Variants in SHISA6 observed in about 807,000 individuals in gnomAD.
SHISA6 encodes the protein shisa family member 6, also known as protein shisa-6.
SHISA6 carries 22 observed loss-of-function variants against 47.9 expected under a neutral mutation model. The ratio of observed to expected loss-of-function variants is 0.46; its 90% CI spans 0.33 to 0.66. SHISA6 has a LOEUF of 0.66. SHISA6 is among the 30% of genes least tolerant of loss of function. SHISA6 has a pLI of 0.02. For missense variants in SHISA6, 680 were observed against 764.6 expected, an observed-to-expected ratio of 0.89 and a Z score of 1.30; for synonymous variants, 388 against 337.8, an observed-to-expected ratio of 1.15 and a Z score of -1.63.
chr17:11,344,352 C>G (rs1422522153), intron 2 of SHISA6, among the ~76,000 whole-genome samples: 1 of 151,970 alleles, frequency 6.6e-6, no homozygotes, highest in Non-Finnish European at 1.5e-5. Flanking sequence ...TGTATTTTTT[C>G]TTTTGTTACT....
At position 11,331,332 on chromosome 17, in the gene SHISA6, C is replaced by G. The variant is rs570801206; in HGVS notation, c.800-48082C>G. ...ACAAACAGCATTTCTCACCTGCTTC[C>G]TCTCAGTGGGAACGTTTGCTAAATG... On this transcript the variant is annotated intron_variant, in intron 2 of 5. Coordinates refer to ENST00000441885, the MANE Select transcript of SHISA6 (RefSeq NM_207386.4). Among the ~76,000 whole-genome samples, 6 of 152,306 alleles carry G rather than the reference C, an allele frequency of 3.9e-5. No individual in the cohort carries two copies. The South Asian group carries it at 1.2e-3, about 32-fold the overall frequency.
At chr17:11,328,063 G>T (rs774137000) in intron 2 of SHISA6, among the ~76,000 whole-genome samples, 5 of 151,846 alleles carry the variant, frequency 3.3e-5, no homozygotes, top group African/African-American at 7.3e-5. Flanking sequence ...TATTTCTTCG[G>T]CAATTACTAG....
intron 1 of SHISA6, among the ~76,000 whole-genome samples, chr17:11,252,827 G>A (rs911150924): frequency 3.9e-5 from 6 of 152,236 alleles, no homozygotes; most frequent in Non-Finnish European, 8.8e-5. Flanking sequence ...ACTTGGGGAA[G>A]AATCTGGATT....
At chr17:11,407,932 A>G (rs1914011050) in intron 3 of SHISA6, among the ~76,000 whole-genome samples, 1 of 152,130 alleles carries the variant, frequency 6.6e-6, no homozygotes, top group Non-Finnish European at 1.5e-5. Context: ...AGGTGGCTTC[A>G]TTGGTGACCT....
chr17:11,359,399 A>G (rs997485836), intron 2 of SHISA6, among the ~76,000 whole-genome samples: 1 of 152,230 alleles, frequency 6.6e-6, no homozygotes, highest in Non-Finnish European at 1.5e-5. Context: ...AGCTTCTTCA[A>G]CAATACATCT....
intron 2 of SHISA6, among the ~76,000 whole-genome samples, chr17:11,320,517 G>C (rs1005541619): frequency 6.6e-6 from 1 of 152,146 alleles, no homozygotes; most frequent in Non-Finnish European, 1.5e-5. Context: ...AATTAGCTGG[G>C]TGTGGTGGTG....
At chr17:11,548,051 G>A (rs1231721448) in intron 3 of SHISA6, among the ~76,000 whole-genome samples, 3 of 152,188 alleles carry the variant, frequency 2.0e-5, no homozygotes, top group Non-Finnish European at 2.9e-5. Context: ...TGGGCCTAGC[G>A]CCAGCCTGCC....
chr17:11,416,655 G>A (rs1914291605), intron 3 of SHISA6, among the ~76,000 whole-genome samples: 1 of 152,006 alleles, frequency 6.6e-6, no homozygotes, highest in African/African-American at 2.4e-5. Context: ...TTTATGCGTT[G>A]GCTTTTAAAC....
At chr17:11,316,442 A>C (rs1211211143) in intron 2 of SHISA6, among the ~76,000 whole-genome samples, 7 of 108,734 alleles carry the variant, frequency 6.4e-5, no homozygotes, top group African/African-American at 2.5e-4. Flanking sequence ...TTTTTTTGAG[A>C]CGGAGTCTTG....
At chr17:11,443,464 A>G (rs958743256) in intron 3 of SHISA6, among the ~76,000 whole-genome samples, 1 of 152,208 alleles carries the variant, frequency 6.6e-6, no homozygotes, top group Non-Finnish European at 1.5e-5. Context: ...GGAGTTATCT[A>G]TTTTGCCCAT....
chr17:11,409,668 C>G (rs2142271163), intron 3 of SHISA6, among the ~76,000 whole-genome samples: 1 of 145,658 alleles, frequency 6.9e-6, no homozygotes, highest in African/African-American at 2.6e-5. Flanking sequence ...CGTGCCATCG[C>G]ACTCCAGCCT....
chr17:11,480,711 G>A (rs892848889), intron 3 of SHISA6, among the ~76,000 whole-genome samples: 2 of 152,202 alleles, frequency 1.3e-5, no homozygotes, highest in Non-Finnish European at 2.9e-5. Flanking sequence ...GTCCCATGCT[G>A]TGCTTGTCCA....
Position 11,558,582 on chromosome 17 carries a change from G to A in SHISA6, c.*278G>A, listed in dbSNP as rs1247902501. On this transcript the variant is annotated 3_prime_UTR_variant, in exon 6 of 6. Transcript: ENST00000441885. ...GGGGCTAGGCCCCATTCTCACCCCC[G>A]ACCACCTTCACCAACTCCCTTTCCG... 42 of 485,342 alleles carry A rather than the reference G, an allele frequency of 8.7e-5. No homozygotes were observed. Among genetic ancestry groups the A allele is most frequent in the South Asian group, 7.7e-4 (26 of 33,850 alleles). The allele number at this position is 485,342 out of a possible 1,614,324, so 30.1% of individuals were successfully genotyped here. A position where few individuals can be genotyped will look rare whatever the true frequency, so the allele number is the denominator to read the frequency against.
chr17:11,340,605 C>G (rs1401830513), intron 2 of SHISA6, among the ~76,000 whole-genome samples: 2 of 152,168 alleles, frequency 1.3e-5, no homozygotes, highest in African/African-American at 4.8e-5. Context: ...GATGGAGTGG[C>G]CATGTGCTTG....
At chr17:11,537,939 A>C (rs888925262) in intron 3 of SHISA6, among the ~76,000 whole-genome samples, 4 of 152,278 alleles carry the variant, frequency 2.6e-5, no homozygotes, top group African/African-American at 9.6e-5. Flanking sequence ...TATATGATGA[A>C]GCACCAAAAA....
At chr17:11,437,825 G>A (rs1914981494) in intron 3 of SHISA6, among the ~76,000 whole-genome samples, 1 of 152,286 alleles carries the variant, frequency 6.6e-6, no homozygotes, top group South Asian at 2.1e-4. Context: ...TTGGTTTGAA[G>A]AGCAACCAAC....
At chr17:11,439,324 C>T (rs889383220) in intron 3 of SHISA6, among the ~76,000 whole-genome samples, 3 of 152,132 alleles carry the variant, frequency 2.0e-5, no homozygotes, top group Admixed American at 1.3e-4. Context: ...GAATAACGTA[C>T]ATCTACGGGT....
chr17:11,456,206 C>T (rs563488751), intron 3 of SHISA6, among the ~76,000 whole-genome samples: 73 of 152,264 alleles, frequency 4.8e-4, no homozygotes, highest in African/African-American at 1.7e-3. Context: ...GAGGAGGATA[C>T]ACCAACAGCA....
intron 3 of SHISA6, among the ~76,000 whole-genome samples, chr17:11,550,534 G>A (rs551530536): frequency 3.3e-5 from 5 of 152,304 alleles, no homozygotes; most frequent in Non-Finnish European, 5.9e-5. Flanking sequence ...GATGGCTACA[G>A]GGAAGAGGAC....
Sources: gnomAD v4.1 joint callset for allele counts (sites outside exome capture counted in the v4.1 genomes callset) on GRCh38, gnomAD v4.1.1 for gene constraint, MANE v1.5 for transcripts, NCBI Gene and HGNC (gene_info 2026-07-23, HGNC 2026-07-21) for gene names.